The following PNKD variants were observed in gnomAD, a reference collection of about 807,000 sequenced individuals.
PNKD encodes the protein PNKD metallo-beta-lactamase domain containing.
In PNKD, 36 loss-of-function variants were observed where a neutral mutation model predicts 45.3. The ratio of observed to expected loss-of-function variants is 0.80; its 90% CI spans 0.61 to 1.05. The LOEUF (loss-of-function observed/expected upper bound fraction) is 1.05. Ranked by LOEUF, PNKD falls within the 50% of genes least tolerant of loss-of-function variation. PNKD has a pLI of 0.00. For synonymous variants in PNKD, 197 were observed against 210.1 expected, an observed-to-expected ratio of 0.94 and a Z score of 0.54; for missense variants, 511 against 506.6, an observed-to-expected ratio of 1.01 and a Z score of -0.08.
chr2:218,295,543 G>A lies in PNKD; in HGVS notation c.236+23994G>A, dbSNP rs996542917. Among the ~76,000 whole-genome samples the A allele has an allele frequency of 4.6e-5, 7 of 152,104 alleles. No individual in the cohort carries two copies. The East Asian group carries it at 5.8e-4, about 13-fold the overall frequency. On this transcript the variant is annotated intron_variant, in intron 2 of 9. Coordinates refer to ENST00000273077, the MANE Select transcript of PNKD (RefSeq NM_015488.5). The stretch of plus-strand genomic sequence containing the variant: ...GGAGGTGTTAGGAACCAGCCTATTC[G>A]GAGGAGGGGAGAAGGTTCTCCAGGC...
At chr2:218,301,289 G>A (rs1409382754) in intron 2 of PNKD, among the ~76,000 whole-genome samples, 1 of 152,138 alleles carries the variant, frequency 6.6e-6, no homozygotes, top group Admixed American at 6.6e-5. Flanking sequence ...TGACTTAAGG[G>A]GGAATTCTGG....
intron 2 of PNKD, among the ~76,000 whole-genome samples, chr2:218,288,486 C>T (rs965561033): frequency 4.6e-5 from 7 of 152,168 alleles, no homozygotes; most frequent in Non-Finnish European, 1.5e-5. Flanking sequence ...AGTAGTTGAA[C>T]CACTTCCAGT....
intron 2 of PNKD, among the ~76,000 whole-genome samples, chr2:218,304,105 A>T (rs919227841): frequency 8.5e-5 from 13 of 152,074 alleles, no homozygotes; most frequent in African/African-American, 3.1e-4. Context: ...CTTATCCCTC[A>T]ACCAGTGGTC....
chr2:218,340,218 G>A lies in PNKD; in HGVS notation c.465+77G>A. The stretch of plus-strand genomic sequence containing the variant: ...CAGTTTCGCCTTGCTAGAGAGGGCT[G>A]ACCCTTGTCCGTCTGCCCGTGGGAT... On this transcript the variant is annotated intron_variant, in intron 4 of 9. Coordinates refer to ENST00000273077, the MANE Select transcript of PNKD (RefSeq NM_015488.5). This position sits in a 1 kb window ranked among gnomAD's most constrained non-coding sequence, Gnocchi z 4.2. 1 of 887,720 alleles carries A rather than the reference G, an allele frequency of 1.1e-6. No homozygotes were observed. Among genetic ancestry groups the A allele is most frequent in the South Asian group, 1.3e-5 (1 of 75,704 alleles). 55.0% of individuals were successfully genotyped at this position (887,720 alleles called of 1,614,324 possible).
intron 2 of PNKD, chr2:218,277,085 C>A: frequency 1.9e-6 from 3 of 1,614,104 alleles, no homozygotes; most frequent in Non-Finnish European, 2.5e-6. Context: ...GGCCTGTGCA[C>A]GAGGTGAAGT....
intron 2 of PNKD, chr2:218,273,001 G>C (rs1337429366): frequency 1.6e-5 from 20 of 1,251,914 alleles, no homozygotes; most frequent in Non-Finnish European, 1.9e-5. Context: ...GGTGGGGCTG[G>C]TTACTCATGT....
At chr2:218,304,539 G>A (rs938893915) in intron 2 of PNKD, among the ~76,000 whole-genome samples, 1 of 152,268 alleles carries the variant, frequency 6.6e-6, no homozygotes, top group East Asian at 1.9e-4. Flanking sequence ...AGCACCTGCC[G>A]GTAGCCTTGC....
At chr2:218,280,805 C>CTTTTTTTTTT (rs950294415) in intron 2 of PNKD, 1 of 104,040 alleles carries the variant, frequency 9.6e-6, no homozygotes, top group African/African-American at 4.5e-5. Context: ...ACCTCATTTC[C>CTTTTTTTTTT]TTTTTTTTTT....
At chr2:218,281,867 A>G (rs1692037938) in intron 2 of PNKD, 2 of 1,153,106 alleles carry the variant, frequency 1.7e-6, no homozygotes, top group African/African-American at 3.1e-5. Flanking sequence ...GAAAAGGGGC[A>G]GGAGGCGGTG....
intron 6 of PNKD, 46 bp downstream of exon 6, chr2:218,341,672 TC>T: frequency 7.5e-7 from 1 of 1,336,150 alleles, no homozygotes; most frequent in Non-Finnish European, 1.1e-6. Flanking sequence ...ATGGGCCCTT[TC>T]CCCCACCCCC....
intron 2 of PNKD, among the ~76,000 whole-genome samples, chr2:218,337,062 A>T (rs1385754025): frequency 6.6e-6 from 1 of 150,788 alleles, no homozygotes; most frequent in Admixed American, 6.6e-5. Flanking sequence ...TGCCTTCCAA[A>T]GAGCTGGGAT....
At chr2:218,300,546 CTTTTCTTTT>C (rs1468594361) in intron 2 of PNKD, among the ~76,000 whole-genome samples, 4 of 32,648 alleles carry the variant, frequency 1.2e-4, no homozygotes, top group African/African-American at 3.5e-4. Context: ...CTTTTCTTTT[CTTTTCTTTT>C]TTTTTTTTGA....
Position 218,340,736 on chromosome 2 carries a change from T to C in PNKD, c.474T>C (p.Ile158=), listed in dbSNP as rs774747492. The change falls in exon 5 of 10, where the codon ATT becomes ATC. Residue 158 remains isoleucine, a synonymous_variant. Coordinates refer to ENST00000273077, the MANE Select transcript of PNKD (RefSeq NM_015488.5). The surrounding 1 kb of genome is among the most constrained non-coding windows in gnomAD (Gnocchi z 4.2). ...PSDPRAVQAS[I]EKEGVTLVAI... ...CCTCCTCTCTCTCGCAGGCTTCCAT[T>C]GAAAAGGAAGGGGTCACCTTGGTCG... 3.1e-6 allele frequency: 5 copies of C among 1,613,778 alleles called. No individual in the cohort carries two copies. In the South Asian group the frequency reaches 5.5e-5, roughly 18 times the overall value.
At chr2:218,341,383 A>G (rs1694668713) in intron 5 of PNKD, 151 bp from the exon 6 acceptor site, 1 of 596,810 alleles carries the variant, frequency 1.7e-6, no homozygotes, top group East Asian at 2.8e-5. Flanking sequence ...GCAAGGGAAC[A>G]GCTTGAACAA....
At chr2:218,310,513 C>T (rs1018252862) in intron 2 of PNKD, among the ~76,000 whole-genome samples, 2 of 151,352 alleles carry the variant, frequency 1.3e-5, no homozygotes, top group Admixed American at 6.6e-5. Context: ...TGAGCCACTG[C>T]GCCCGGCCTA....
At chr2:218,328,342 A>T (rs1694216757) in intron 2 of PNKD, among the ~76,000 whole-genome samples, 1 of 152,114 alleles carries the variant, frequency 6.6e-6, no homozygotes, top group African/African-American at 2.4e-5. Context: ...CTTATTTGAG[A>T]GCCCTGCCCT....
At position 218,336,918 on chromosome 2, in the gene PNKD, GC is replaced by G. The variant is rs1438934980; in HGVS notation, c.237-2863del. On this transcript the variant is annotated intron_variant, in intron 2 of 9. Transcript: ENST00000273077. ...AGGTTCAAGTGATTCTCCTGCCTCA[GC>G]CTCCCAAGTAGCTGGGATTACAGGC... Among the ~76,000 whole-genome samples, 8 of 143,494 alleles carry G rather than the reference GC, an allele frequency of 5.6e-5. 1 individual carries two copies. Among genetic ancestry groups the G allele is most frequent in the South Asian group, 4.7e-4 (2 of 4,218 alleles). The allele number at this position is 143,494 out of a possible 152,430, so 94.1% of individuals were successfully genotyped here.
intron 2 of PNKD, chr2:218,289,916 G>A (rs186532056): frequency 1.3e-4 from 20 of 152,322 alleles, no homozygotes; most frequent in Admixed American, 6.5e-4. Context: ...GAGCTAAACA[G>A]TATATAACAC....
At chr2:218,278,387 G>T in intron 2 of PNKD, 2 of 982,730 alleles carry the variant, frequency 2.0e-6, no homozygotes, top group Non-Finnish European at 3.2e-6. Context: ...AGCTGTCATC[G>T]TCATCCTCCT....
Sources: allele counts gnomAD v4.1 joint callset (sites outside exome capture counted in the v4.1 genomes callset), GRCh38; gene constraint gnomAD v4.1.1; non-coding constraint Gnocchi (gnomAD v3.1); transcripts MANE v1.5; gene names NCBI Gene and HGNC (gene_info 2026-07-23, HGNC 2026-07-21).